Variants in EXOC4 observed in about 807,000 individuals in gnomAD.
The protein encoded by EXOC4 is exocyst complex component 4, also known as SEC8-like 1.
A neutral mutation model predicts 107.2 loss-of-function variants in EXOC4; 71 were observed. That is an observed-to-expected ratio of 0.66 (90% CI 0.55 to 0.81). The LOEUF (loss-of-function observed/expected upper bound fraction) is 0.81, where lower values mean the gene tolerates loss of function less well. Among genes scored for constraint, EXOC4 ranks in the 30% least tolerant of loss-of-function variants. The pLI, the probability that EXOC4 is intolerant of heterozygous loss-of-function variation, is 0.00. For synonymous variants in EXOC4, 456 were observed against 441.2 expected, an observed-to-expected ratio of 1.03 and a Z score of -0.42; for missense variants, 1,108 against 1,189.6, an observed-to-expected ratio of 0.93 and a Z score of 1.01.
chr7:133,712,488 A>C (rs1196440622), intron 10 of EXOC4, among the ~76,000 whole-genome samples: 3 of 144,442 alleles, frequency 2.1e-5, no homozygotes, highest in Non-Finnish European at 3.0e-5. Flanking sequence ...GCGCTCCTAC[A>C]CTGCTGGTAG....
intron 9 of EXOC4, among the ~76,000 whole-genome samples, chr7:133,541,894 A>T (rs1023788009): frequency 1.3e-5 from 2 of 151,984 alleles, no homozygotes; most frequent in Non-Finnish European, 2.9e-5. Context: ...CTGTGTCATG[A>T]GTGAGGGGTG....
At chr7:133,735,524 C>T (rs1047741659) in intron 10 of EXOC4, among the ~76,000 whole-genome samples, 1 of 152,024 alleles carries the variant, frequency 6.6e-6, no homozygotes, top group Admixed American at 6.6e-5. Flanking sequence ...ATCTTAGATT[C>T]TCTATTTTTG....
intron 14 of EXOC4, among the ~76,000 whole-genome samples, chr7:133,958,073 A>G (rs1585278233): frequency 6.6e-6 from 1 of 152,324 alleles, no homozygotes; most frequent in Non-Finnish European, 1.5e-5. Context: ...AGTATCAGTA[A>G]TGAAATTAGT....
intron 6 of EXOC4, among the ~76,000 whole-genome samples, chr7:133,371,090 A>G (rs1796366209): frequency 6.6e-6 from 1 of 152,208 alleles, no homozygotes; most frequent in Non-Finnish European, 1.5e-5. Context: ...GGTAGTAAGA[A>G]TGTAAAGGAA....
chr7:133,809,112 A>G (rs1303935057), intron 10 of EXOC4, among the ~76,000 whole-genome samples: 3 of 152,182 alleles, frequency 2.0e-5, no homozygotes, highest in East Asian at 3.9e-4. Flanking sequence ...CATTCATGCT[A>G]CAGGCTTGTT....
chr7:133,554,145 T>TATA (rs1333832645), intron 9 of EXOC4, among the ~76,000 whole-genome samples: 2 of 152,164 alleles, frequency 1.3e-5, no homozygotes, highest in Non-Finnish European at 2.9e-5. Context: ...CTCAGGTGGA[T>TATA]CTTTAGGAAA....
intron 10 of EXOC4, among the ~76,000 whole-genome samples, chr7:133,712,031 A>C (rs2151097527): frequency 6.6e-6 from 1 of 152,328 alleles, no homozygotes; most frequent in South Asian, 2.1e-4. Context: ...GCAAGTATTA[A>C]GAATTAGAGG....
chr7:133,270,010 C>T (rs1030574614), intron 1 of EXOC4, among the ~76,000 whole-genome samples: 31 of 152,258 alleles, frequency 2.0e-4, no homozygotes, highest in African/African-American at 7.0e-4. Context: ...ACAATTCCCG[C>T]GTGTCGTGGG....
chr7:133,518,305 G>A (rs1165825204), intron 9 of EXOC4, among the ~76,000 whole-genome samples: 23 of 121,034 alleles, frequency 1.9e-4, no homozygotes, highest in African/African-American at 5.7e-4. Context: ...TTTTTTTTTC[G>A]TTACAGTCTT....
chr7:133,779,455 T>C (rs1163318544), intron 10 of EXOC4, among the ~76,000 whole-genome samples: 2 of 152,224 alleles, frequency 1.3e-5, no homozygotes, highest in East Asian at 3.8e-4. Context: ...TTGAAACTTT[T>C]CTTACTTCAA....
intron 9 of EXOC4, among the ~76,000 whole-genome samples, chr7:133,526,928 C>T (rs533259207): frequency 6.6e-6 from 1 of 151,872 alleles, no homozygotes; most frequent in African/African-American, 2.4e-5. Flanking sequence ...GCCGAGATTG[C>T]GCTACTGCAC....
chr7:134,064,353 G>C lies in EXOC4; in HGVS notation c.2750G>C (p.Gly917Ala), dbSNP rs1563110273. ...CTCCTGAACCTGGTGGTGGACCAGG[G>C]TGTGAAGTACACGGAGCTGGAGTAC... is the stretch of plus-strand genomic sequence containing the variant. ...DELLNLVVDQGVKYTELEYIH... is the reference protein window; with the variant it reads ...DELLNLVVDQAVKYTELEYIH... Residue 917 changes from glycine to alanine, a missense_variant, in exon 18 of 18, where the codon GGT (glycine) becomes GCT (alanine). Coordinates refer to ENST00000253861, the MANE Select transcript of EXOC4 (RefSeq NM_021807.4). 3.9e-6 allele frequency: 6 copies of C among 1,537,390 alleles called. No homozygotes were observed. Among genetic ancestry groups the C allele is most frequent in the Non-Finnish European group, 5.3e-6 (6 of 1,134,386 alleles).
At chr7:133,273,197 C>A (rs1353585412) in intron 1 of EXOC4, among the ~76,000 whole-genome samples, 2 of 152,194 alleles carry the variant, frequency 1.3e-5, no homozygotes, top group African/African-American at 2.4e-5. Flanking sequence ...AGTTGTGTAT[C>A]ATTAAAACAA....
intron 2 of EXOC4, among the ~76,000 whole-genome samples, chr7:133,285,151 G>C (rs1794245918): frequency 6.6e-6 from 1 of 152,080 alleles, no homozygotes; most frequent in Non-Finnish European, 1.5e-5. Flanking sequence ...TAGATGATCA[G>C]TGCTTACCTT....
Position 134,044,604 on chromosome 7 carries a change from G to T in EXOC4, c.2688-19687G>T, listed in dbSNP as rs916624692. ...CAACTGAGCAGTCATCCATTACCACGCATAAAGATCTGAAGGTCCACTCTG... is the reference window on the plus strand; with the variant it reads ...CAACTGAGCAGTCATCCATTACCACTCATAAAGATCTGAAGGTCCACTCTG... On this transcript the variant is annotated intron_variant, in intron 17 of 17. Coordinates refer to ENST00000253861, the MANE Select transcript of EXOC4 (RefSeq NM_021807.4). 4.0e-5 allele frequency among the ~76,000 whole-genome samples: 6 copies of T among 151,054 alleles called. No individual in the cohort carries two copies. In the South Asian group the frequency reaches 1.3e-3, roughly 32 times the overall value.
At chr7:134,008,073 A>C in intron 17 of EXOC4, 1 of 417,310 alleles carries the variant, frequency 2.4e-6, no homozygotes, top group Non-Finnish European at 4.3e-6. Context: ...TAACTACAAT[A>C]CTTGAATAAC....
chr7:133,581,891 C>T (rs558191309), intron 9 of EXOC4, among the ~76,000 whole-genome samples: 48 of 151,904 alleles, frequency 3.2e-4, no homozygotes, highest in Admixed American at 1.2e-3. Flanking sequence ...AGGCAAAGGG[C>T]GAAGAAGGCA....
intron 11 of EXOC4, among the ~76,000 whole-genome samples, chr7:133,887,792 T>A (rs1348780186): frequency 6.6e-6 from 1 of 152,152 alleles, no homozygotes; most frequent in Non-Finnish European, 1.5e-5. Context: ...TCCAGTCTCC[T>A]TTATTAATTG....
chr7:133,407,913 T>A (rs987171830), intron 7 of EXOC4, among the ~76,000 whole-genome samples: 6 of 152,216 alleles, frequency 3.9e-5, no homozygotes, highest in African/African-American at 1.4e-4. Flanking sequence ...TTTTTCACTT[T>A]TAGATGATAA....
Sources: allele counts gnomAD v4.1 joint callset (sites outside exome capture counted in the v4.1 genomes callset), GRCh38; gene constraint gnomAD v4.1.1; transcripts MANE v1.5; gene names NCBI Gene and HGNC (gene_info 2026-07-23, HGNC 2026-07-21).